Variants in GOLM1 observed in about 807,000 individuals in gnomAD.
The protein encoded by GOLM1 is golgi membrane protein 1, also known as epididymis luminal protein 46.
In GOLM1, 31 loss-of-function variants were observed where a neutral mutation model predicts 50.5. That is an observed-to-expected ratio of 0.61 (90% CI 0.46 to 0.83). GOLM1 has a LOEUF of 0.83. Ranked by LOEUF, GOLM1 falls within the 40% of genes least tolerant of loss-of-function variation. The pLI, the probability that GOLM1 is intolerant of heterozygous loss-of-function variation, is 0.00. For synonymous variants in GOLM1, 178 were observed against 192.8 expected (o/e 0.92, Z 0.64); for missense variants, 491 against 501.3 (o/e 0.98, Z 0.20).
chr9:86,052,412 C>G, intron 4 of GOLM1, 125 bp downstream of exon 4: 1 of 776,546 alleles, frequency 1.3e-6, no homozygotes, highest in South Asian at 1.6e-5. Context: ...AAAGATTGCT[C>G]AATGACTCAT....
intron 6 of GOLM1, among the ~76,000 whole-genome samples, chr9:86,037,456 A>G (rs1179874664): frequency 6.6e-6 from 1 of 151,952 alleles, no homozygotes; most frequent in African/African-American, 2.4e-5. Context: ...AAAAAAAAAA[A>G]AAGAAAATGC....
chr9:86,034,641 G>A (rs1273479268), intron 8 of GOLM1, among the ~76,000 whole-genome samples: 2 of 152,204 alleles, frequency 1.3e-5, no homozygotes, highest in South Asian at 2.1e-4. Flanking sequence ...GGAAGGACAC[G>A]TTCTTCAGTA....
rs891247318 is a variant in GOLM1, at chr9:86,040,727, T to G, written c.597+12A>C. ...ACCTTCTAGAAACTCTTGGCAAAAATTCCCCAGTTACCTGCTGTCTCTGGT... is the reference window on the plus strand; with the variant it reads ...ACCTTCTAGAAACTCTTGGCAAAAAGTCCCCAGTTACCTGCTGTCTCTGGT... On this transcript the variant is annotated intron_variant, in intron 6 of 9. Transcript: ENST00000388712. 5.6e-6 allele frequency: 9 copies of G among 1,604,190 alleles called. No individual in the cohort carries two copies. In the Admixed American group the frequency reaches 7.0e-5, roughly 13 times the overall value.
At chr9:86,075,258 C>T (rs181090203) in intron 3 of GOLM1, among the ~76,000 whole-genome samples, 94 of 152,328 alleles carry the variant, frequency 6.2e-4, no homozygotes, top group Admixed American at 4.6e-3. Context: ...TTTGTTATAG[C>T]AGCCTTAAAC....
At chr9:86,085,847 G>A (rs567880115) in intron 1 of GOLM1, among the ~76,000 whole-genome samples, 20 of 152,248 alleles carry the variant, frequency 1.3e-4, no homozygotes, top group African/African-American at 4.6e-4. Flanking sequence ...TGGTGTATAC[G>A]TGCCATATTT....
chr9:86,046,569 T>A lies in GOLM1; in HGVS notation c.368A>T (p.Gln123Leu). Residue 123 changes from glutamine (Q) to leucine (L), a missense_variant, in exon 5 of 10, where the codon CAG becomes CTG. By Grantham distance (113) the Gln-to-Leu change is moderately radical. Transcript: ENST00000388712. ...GERLIRVLQD[Q>L]LKTLQRNYGR... is the part of the protein sequence containing the mutation. The stretch of plus-strand genomic sequence containing the variant: ...GTAATTCCTCTGCAGGGTCTTTAAC[T>A]GGTCTACACCAAGGGGACAAGGAAT... 6.3e-7 allele frequency: 1 copy of A among 1,599,574 alleles called. No homozygotes were observed. Among genetic ancestry groups the A allele is most frequent in the East Asian group, 2.2e-5 (1 of 44,700 alleles).
intron 5 of GOLM1, among the ~76,000 whole-genome samples, chr9:86,044,980 T>C (rs536577498): frequency 1.3e-5 from 2 of 152,002 alleles, no homozygotes; most frequent in East Asian, 3.9e-4. Context: ...ATAGCTAATG[T>C]GTTGTCATTA....
intron 3 of GOLM1, among the ~76,000 whole-genome samples, chr9:86,056,880 A>G (rs560032123): frequency 6.6e-6 from 1 of 152,272 alleles, no homozygotes; most frequent in Admixed American, 6.5e-5. Flanking sequence ...AGCTCACTGC[A>G]GCCCCCAGCT....
chr9:86,053,005 C>CATG, intron 3 of GOLM1, among the ~76,000 whole-genome samples: 1 of 150,618 alleles, frequency 6.6e-6, no homozygotes, highest in Non-Finnish European at 1.5e-5. Context: ...CAAACCACAC[C>CATG]ACACACACCA....
intron 1 of GOLM1, among the ~76,000 whole-genome samples, chr9:86,093,849 C>A (rs1835264149): frequency 6.6e-6 from 1 of 152,068 alleles, no homozygotes; most frequent in South Asian, 2.1e-4. Flanking sequence ...ATCAGAAAAG[C>A]AAATATATAG....
chr9:86,087,763 C>T (rs952207497), intron 1 of GOLM1, among the ~76,000 whole-genome samples: 3 of 152,148 alleles, frequency 2.0e-5, no homozygotes, highest in Admixed American at 1.3e-4. Context: ...ATATGTTGAA[C>T]CAGCCTTGCA....
At chr9:86,043,229 G>GC (rs1226155093) in intron 5 of GOLM1, among the ~76,000 whole-genome samples, 2 of 152,190 alleles carry the variant, frequency 1.3e-5, no homozygotes, top group African/African-American at 4.8e-5. Context: ...GAGAAAGAAC[G>GC]CAAGGCTATT....
chr9:86,049,422 C>G (rs1278975666), intron 4 of GOLM1, among the ~76,000 whole-genome samples: 1 of 152,138 alleles, frequency 6.6e-6, no homozygotes, highest in Non-Finnish European at 1.5e-5. Context: ...GCATTGGTAG[C>G]TTGATGGGGA....
chr9:86,045,287 G>A (rs1833501061), intron 5 of GOLM1, among the ~76,000 whole-genome samples: 1 of 151,928 alleles, frequency 6.6e-6, no homozygotes, highest in Non-Finnish European at 1.5e-5. Context: ...GGAGGCAGAG[G>A]TTGCAGTGAG....
At chr9:86,098,705 T>C (rs1033094870) in intron 1 of GOLM1, among the ~76,000 whole-genome samples, 2 of 152,254 alleles carry the variant, frequency 1.3e-5, no homozygotes, top group Non-Finnish European at 2.9e-5. Context: ...AGCAAATCAT[T>C]AAAAATATTA....
chr9:86,091,126 T>A (rs1488250505), intron 1 of GOLM1, among the ~76,000 whole-genome samples: 1 of 152,106 alleles, frequency 6.6e-6, no homozygotes, highest in Non-Finnish European at 1.5e-5. Context: ...GCCAGGTACC[T>A]CAGTTGGAAA....
chr9:86,046,636 A>G (rs1048533224), intron 4 of GOLM1, 64 bp from the exon 5 acceptor site: 2 of 945,296 alleles, frequency 2.1e-6, no homozygotes, highest in African/African-American at 1.6e-5. Flanking sequence ...TTCAGCCAAA[A>G]TATGACAGAG....
At chr9:86,072,602 T>A (rs575898811) in intron 3 of GOLM1, among the ~76,000 whole-genome samples, 13 of 152,314 alleles carry the variant, frequency 8.5e-5, no homozygotes, top group African/African-American at 3.1e-4. Flanking sequence ...CCAGTAAATG[T>A]GGGTAAAGAT....
chr9:86,053,550 A>ATGC (rs1454069474), intron 3 of GOLM1, among the ~76,000 whole-genome samples: 1 of 102 alleles, frequency 9.8e-3, no homozygotes, highest in East Asian at 0.083. Flanking sequence ...CACACCAAAC[A>ATGC]CACACTACAC....
Sources: allele counts gnomAD v4.1 joint callset (sites outside exome capture counted in the v4.1 genomes callset), GRCh38; gene constraint gnomAD v4.1.1; transcripts MANE v1.5; gene names NCBI Gene and HGNC (gene_info 2026-07-23, HGNC 2026-07-21).